Variants in DIS3L2 observed in about 807,000 individuals in gnomAD.
The protein encoded by DIS3L2 is DIS3 like 3'-5' exoribonuclease 2.
Under a neutral mutation model 97.5 loss-of-function variants are expected in DIS3L2, and 34 were observed. The ratio of observed to expected loss-of-function variants is 0.35; its 90% CI spans 0.27 to 0.46. The LOEUF (loss-of-function observed/expected upper bound fraction) is 0.46. Among genes scored for constraint, DIS3L2 ranks in the 20% least tolerant of loss-of-function variants. The pLI is 1.00. For synonymous variants in DIS3L2, 435 were observed against 445.2 expected (o/e 0.98, Z 0.29); for missense variants, 1,038 against 1,146.0 (o/e 0.91, Z 1.36).
chr2:232,072,427 A>G (rs1179642674), intron 5 of DIS3L2, among the ~76,000 whole-genome samples: 1 of 152,142 alleles, frequency 6.6e-6, no homozygotes, highest in African/African-American at 2.4e-5. Flanking sequence ...GTGCGTTCCT[A>G]GTGTGCTCAA....
chr2:231,983,103 T>C (rs867048576), intron 1 of DIS3L2, among the ~76,000 whole-genome samples: 13 of 152,010 alleles, frequency 8.6e-5, no homozygotes, highest in African/African-American at 3.2e-4. Flanking sequence ...TTTCACTCTA[T>C]GTATTTTACA....
At chr2:232,263,972 T>A (rs1693790494) in intron 13 of DIS3L2, among the ~76,000 whole-genome samples, 1 of 152,240 alleles carries the variant, frequency 6.6e-6, no homozygotes, top group Non-Finnish European at 1.5e-5. Context: ...GAGGAGACTG[T>A]AGAACAGCGG....
At chr2:232,193,211 C>A (rs1274715779) in intron 9 of DIS3L2, among the ~76,000 whole-genome samples, 1 of 152,238 alleles carries the variant, frequency 6.6e-6, no homozygotes, top group Non-Finnish European at 1.5e-5. Context: ...TAAGGACAGA[C>A]AACCTAATGT....
intron 6 of DIS3L2, among the ~76,000 whole-genome samples, chr2:232,122,472 T>C (rs998586832): frequency 6.6e-6 from 1 of 152,062 alleles, no homozygotes; most frequent in Non-Finnish European, 1.5e-5. Context: ...ATCCCAGCAT[T>C]TTGGAAGGCC....
Position 232,014,907 on chromosome 2 carries a change from A to T in DIS3L2, c.-21A>T, listed in dbSNP as rs1461649584. The T allele has an allele frequency of 6.2e-7, 1 of 1,613,806 alleles. No homozygotes were observed. The highest frequency in any genetic ancestry group is 2.2e-5 in the East Asian group (1 of 44,874). On this transcript the variant is annotated 5_prime_UTR_variant, in exon 2 of 21. It adds an upstream start codon to the 5' untranslated region. Transcript: ENST00000325385. ...GGAGGTTTCTCTGGATCTGGAGAGA[A>T]GAGTGACCTTGGAGCCAATAATGAG...
rs1695977600 is a variant in DIS3L2, at chr2:232,336,940, ACTCAGTGT to A, written c.*312_*319del. On this transcript the variant is annotated 3_prime_UTR_variant, in exon 21 of 21. Coordinates refer to ENST00000325385, the MANE Select transcript of DIS3L2 (RefSeq NM_152383.5). ...CCCAGGAAATGGGGGGGTTTCAGCA[ACTCAGTGT>A]CACAGAATAAAATCAAGTGTGGAGT... 1 of 1,197,242 alleles carries A rather than the reference ACTCAGTGT, an allele frequency of 8.4e-7. No individual in the cohort carries two copies. The highest frequency in any genetic ancestry group is 1.6e-5 in the African/African-American group (1 of 62,540). The allele number at this position is 1,197,242 out of a possible 1,614,324, so 74.2% of individuals were successfully genotyped here.
intron 13 of DIS3L2, 127 bp from the exon 14 acceptor site, chr2:232,299,913 C>T (rs185955854): frequency 4.0e-4 from 354 of 889,212 alleles, no homozygotes; most frequent in East Asian, 2.4e-3. Context: ...TGGGCAGGCC[C>T]AGGTTCTCCA....
At chr2:232,200,037 C>A (rs1050956076) in intron 9 of DIS3L2, among the ~76,000 whole-genome samples, 1 of 152,118 alleles carries the variant, frequency 6.6e-6, no homozygotes, top group Non-Finnish European at 1.5e-5. Flanking sequence ...GGATAAACCA[C>A]CAAAGAAATC....
intron 1 of DIS3L2, among the ~76,000 whole-genome samples, chr2:231,982,457 TAA>T (rs2106180136): frequency 6.6e-6 from 1 of 152,344 alleles, no homozygotes; most frequent in East Asian, 1.9e-4. Context: ...TTTCTGCAGT[TAA>T]ATCTTTCAAT....
At chr2:232,081,525 T>A (rs184913860) in intron 5 of DIS3L2, among the ~76,000 whole-genome samples, 79 of 150,148 alleles carry the variant, frequency 5.3e-4, no homozygotes, top group African/African-American at 1.8e-3. Context: ...GCTGAAACAC[T>A]TGTATAAAGA....
chr2:232,258,880 T>G (rs1055489800), intron 12 of DIS3L2, among the ~76,000 whole-genome samples: 4 of 152,208 alleles, frequency 2.6e-5, no homozygotes, highest in Non-Finnish European at 1.5e-5. Context: ...TTGCTGCCTT[T>G]CTCTGTGTCA....
chr2:232,060,719 G>A (rs11693716), intron 5 of DIS3L2, among the ~76,000 whole-genome samples: 2,143 of 152,120 alleles, frequency 0.014, 23 homozygotes, highest in Non-Finnish European at 0.021. Flanking sequence ...GTTAGGTATT[G>A]CATTGAATCT....
At chr2:232,260,708 T>C (rs1382803053) in intron 12 of DIS3L2, 1 of 152,250 alleles carries the variant, frequency 6.6e-6, no homozygotes, top group Non-Finnish European at 1.5e-5. Context: ...CACCATTCTT[T>C]TCCTCTACCC....
At chr2:232,252,781 G>T (rs1693453634) in intron 12 of DIS3L2, among the ~76,000 whole-genome samples, 1 of 152,072 alleles carries the variant, frequency 6.6e-6, no homozygotes, top group South Asian at 2.1e-4. Context: ...TGCGCCTGTA[G>T]TCCCAGCTAC....
At position 232,281,181 on chromosome 2, in the gene DIS3L2, C is replaced by G. The variant is rs553309226; in HGVS notation, c.1659+17741C>G. On this transcript the variant is annotated intron_variant, in intron 13 of 20. Transcript: ENST00000325385. This position sits in a 1 kb window ranked among gnomAD's most constrained non-coding sequence, Gnocchi z 4.1. Reference sequence around the variant, plus strand: ...TTGGGAGGCCGAGGCGGGTGGATCACAAGGTCAGGAGATCGAGACCATCCT... The same window carrying G: ...TTGGGAGGCCGAGGCGGGTGGATCAGAAGGTCAGGAGATCGAGACCATCCT... Among the ~76,000 whole-genome samples the G allele has an allele frequency of 1.3e-5, 2 of 152,276 alleles. No homozygotes were observed. The highest frequency in any genetic ancestry group is 3.9e-4 in the East Asian group (2 of 5,176).
At chr2:232,343,455 C>T in exon 14 of DIS3L2, 1 of 1,555,898 alleles carries the variant, frequency 6.4e-7, no homozygotes, top group South Asian at 1.2e-5. Flanking sequence ...AGACTCGGGG[C>T]ATATGTGACA....
intron 5 of DIS3L2, among the ~76,000 whole-genome samples, chr2:232,086,613 G>A (rs10193200): frequency 0.6 from 60,590 of 100,764 alleles, 18,561 homozygotes; most frequent in African/African-American, 0.66. Context: ...GTGTGTGTGT[G>A]TATATATATA....
chr2:232,321,079 C>A (rs1261045462), intron 14 of DIS3L2, among the ~76,000 whole-genome samples: 1 of 152,178 alleles, frequency 6.6e-6, no homozygotes, highest in Non-Finnish European at 1.5e-5. Flanking sequence ...AGTCTGGGTG[C>A]CTGTCACCCA....
At chr2:232,132,069 A>G (rs544106954) in intron 7 of DIS3L2, among the ~76,000 whole-genome samples, 85 of 152,222 alleles carry the variant, frequency 5.6e-4, no homozygotes, top group African/African-American at 4.8e-4. Context: ...CCAAATTTCT[A>G]AATGACTGTA....
Sources: allele counts gnomAD v4.1 joint callset (sites outside exome capture counted in the v4.1 genomes callset), GRCh38; gene constraint gnomAD v4.1.1; non-coding constraint Gnocchi (gnomAD v3.1); transcripts MANE v1.5; gene names NCBI Gene and HGNC (gene_info 2026-07-23, HGNC 2026-07-21).